Variants in ITCH observed in about 807,000 individuals in gnomAD.
ITCH encodes the protein itchy E3 ubiquitin protein ligase.
Under a neutral mutation model 126.8 loss-of-function variants are expected in ITCH, and 28 were observed. The ratio of observed to expected loss-of-function variants is 0.22; its 90% CI spans 0.16 to 0.30. The LOEUF is 0.30. Among genes scored for constraint, ITCH ranks in the 10% least tolerant of loss-of-function variants. ITCH has a pLI of 1.00. For synonymous variants in ITCH, 342 were observed against 340.0 expected, an observed-to-expected ratio of 1.01 and a Z score of -0.06; for missense variants, 631 against 1,032.4, an observed-to-expected ratio of 0.61 and a Z score of 5.33.
intron 3 of ITCH, among the ~76,000 whole-genome samples, chr20:34,403,492 A>G (rs2038954519): frequency 6.6e-6 from 1 of 152,140 alleles, no homozygotes; most frequent in African/African-American, 2.4e-5. Context: ...AAGCAGGGAA[A>G]CTTTTGTTTT....
intron 16 of ITCH, among the ~76,000 whole-genome samples, chr20:34,474,791 G>T (rs1306240977): frequency 2.8e-4 from 42 of 151,674 alleles, no homozygotes; most frequent in African/African-American, 9.2e-4. Flanking sequence ...CCGGGCGGGG[G>T]GGCTGACCCC....
Position 34,507,823 on chromosome 20 carries a change from A to G in ITCH, c.*29A>G, listed in dbSNP as rs1258418009. On this transcript the variant is annotated 3_prime_UTR_variant, in exon 25 of 25. Coordinates refer to ENST00000374864, the MANE Select transcript of ITCH (RefSeq NM_031483.7). ...CTGAGAACTTGCACCATGAATGGGC[A>G]AGAACTTATTTGCAATGTTTGTCCT... is the stretch of plus-strand genomic sequence containing the variant. The G allele has an allele frequency of 1.3e-6, 2 of 1,523,246 alleles. No homozygotes were observed. The highest frequency in any genetic ancestry group is 2.3e-5 in the East Asian group (1 of 44,400). The allele number at this position is 1,523,246 out of a possible 1,614,324, so 94.4% of individuals were successfully genotyped here.
intron 7 of ITCH, among the ~76,000 whole-genome samples, chr20:34,430,597 C>T (rs540580776): frequency 1.0e-3 from 159 of 152,214 alleles, no homozygotes; most frequent in African/African-American, 3.6e-3. Flanking sequence ...CCTCAGCCTC[C>T]GAGTAGCTGG....
chr20:34,413,738 C>T lies in ITCH; in HGVS notation c.338-4C>T, dbSNP rs765214302. The stretch of plus-strand genomic sequence containing the variant: ...ATTTTTTCTGTAACTTTATTTTCTT[C>T]CAGTTGAAGAAGTAGTTGTGACTTT... On this transcript the variant is annotated splice_polypyrimidine_tract_variant and splice_region_variant and intron_variant, in intron 5 of 24. Coordinates refer to ENST00000374864, the MANE Select transcript of ITCH (RefSeq NM_031483.7). 6.3e-7 allele frequency: 1 copy of T among 1,593,076 alleles called. No individual in the cohort carries two copies. Among genetic ancestry groups the T allele is most frequent in the Non-Finnish European group, 8.6e-7 (1 of 1,167,686 alleles).
At chr20:34,384,430 G>A (rs540512598) in intron 2 of ITCH, among the ~76,000 whole-genome samples, 3 of 151,322 alleles carry the variant, frequency 2.0e-5, no homozygotes, top group South Asian at 4.2e-4. Flanking sequence ...ACAGGCATGC[G>A]CCACCATGTC....
intron 3 of ITCH, chr20:34,402,413 G>T: frequency 1.3e-6 from 1 of 774,940 alleles, no homozygotes; most frequent in Non-Finnish European, 2.4e-6. Context: ...TTTGGACAGT[G>T]GCACCCACTT....
chr20:34,439,427 CA>C (rs1983449366), intron 8 of ITCH, among the ~76,000 whole-genome samples: 1 of 152,142 alleles, frequency 6.6e-6, no homozygotes, highest in Non-Finnish European at 1.5e-5. Context: ...CATGAGCCAC[CA>C]ATGCCTGGCT....
chr20:34,490,582 G>T (rs913153277), intron 22 of ITCH, among the ~76,000 whole-genome samples: 1 of 152,184 alleles, frequency 6.6e-6, no homozygotes, highest in Non-Finnish European at 1.5e-5. Context: ...GGCAGAGGTT[G>T]CAGTAAGCCA....
At position 34,479,780 on chromosome 20, in the gene ITCH, T is replaced by A. The variant is rs746251467; in HGVS notation, c.1809T>A (p.Phe603Leu). ...HLKYFRFIGR[F>L]IAMALFHGKF... ...AATATTTTCGTTTTATTGGCAGATT[T>A]ATTGCCATGGTAAGTGCAGGTCAAG... The change falls in exon 18 of 25, where the codon TTT (phenylalanine) becomes TTA (leucine). Residue 603 changes from phenylalanine to leucine, a missense_variant. Coordinates refer to ENST00000374864, the MANE Select transcript of ITCH (RefSeq NM_031483.7). 4.3e-6 allele frequency: 7 copies of A among 1,613,542 alleles called. No individual in the cohort carries two copies. The Admixed American group carries it at 1.0e-4, about 23-fold the overall frequency.
At chr20:34,403,845 T>A (rs535276799) in intron 3 of ITCH, among the ~76,000 whole-genome samples, 1 of 152,144 alleles carries the variant, frequency 6.6e-6, no homozygotes, top group African/African-American at 2.4e-5. Flanking sequence ...GCAGCATGTT[T>A]AGAGGAATGA....
intron 1 of ITCH, among the ~76,000 whole-genome samples, chr20:34,365,622 G>A (rs897631984): frequency 1.3e-5 from 2 of 152,098 alleles, no homozygotes; most frequent in African/African-American, 4.8e-5. Context: ...TCACCATATT[G>A]GCTAGGCTGC....
chr20:34,503,016 A>T (rs1193366407), intron 23 of ITCH, among the ~76,000 whole-genome samples: 4 of 152,150 alleles, frequency 2.6e-5, no homozygotes, highest in Non-Finnish European at 5.9e-5. Context: ...TGTCTCAAAA[A>T]ATATATATAT....
At position 34,492,487 on chromosome 20, in the gene ITCH, TA is replaced by T; in HGVS notation, c.2320-13del. ...CATATGACATATATATCTCTTTAAA[TA>T]TACTTTTAACAGTTTGTTAAAGAAA... On this transcript the variant is annotated splice_polypyrimidine_tract_variant and intron_variant, in intron 22 of 24. Coordinates refer to ENST00000374864, the MANE Select transcript of ITCH (RefSeq NM_031483.7). 3 of 1,403,830 alleles carry T rather than the reference TA, an allele frequency of 2.1e-6. No individual in the cohort carries two copies. Among genetic ancestry groups the T allele is most frequent in the Non-Finnish European group, 3.0e-6 (3 of 988,210 alleles). 87.0% of individuals were successfully genotyped at this position (1,403,830 alleles called of 1,614,324 possible).
chr20:34,497,391 T>C (rs887976138), intron 23 of ITCH, among the ~76,000 whole-genome samples: 1 of 152,358 alleles, frequency 6.6e-6, no homozygotes, highest in South Asian at 2.1e-4. Flanking sequence ...TCTATGTGTC[T>C]GCTATTATGC....
At chr20:34,419,582 A>G (rs2146202929) in intron 6 of ITCH, among the ~76,000 whole-genome samples, 1 of 151,932 alleles carries the variant, frequency 6.6e-6, no homozygotes, top group African/African-American at 2.4e-5. Context: ...GGGTTCAGGC[A>G]ATTCTCCTGC....
At chr20:34,462,965 C>G (rs1986680563) in intron 14 of ITCH, among the ~76,000 whole-genome samples, 1 of 152,146 alleles carries the variant, frequency 6.6e-6, no homozygotes, top group African/African-American at 2.4e-5. Flanking sequence ...GAATAATATT[C>G]CAGTGTATGT....
At chr20:34,462,788 C>T (rs1026531846) in intron 14 of ITCH, among the ~76,000 whole-genome samples, 4 of 152,172 alleles carry the variant, frequency 2.6e-5, no homozygotes, top group African/African-American at 4.8e-5. Context: ...ACCTGGTAAC[C>T]AGCCTTCTAC....
intron 20 of ITCH, among the ~76,000 whole-genome samples, chr20:34,485,925 A>G (rs1989074114): frequency 6.6e-6 from 1 of 152,118 alleles, no homozygotes; most frequent in Non-Finnish European, 1.5e-5. Context: ...TCCTTGCCTT[A>G]AGCTATCCTC....
At chr20:34,444,229 A>G (rs2146301378) in intron 10 of ITCH, among the ~76,000 whole-genome samples, 1 of 152,342 alleles carries the variant, frequency 6.6e-6, no homozygotes, top group East Asian at 1.9e-4. Flanking sequence ...CAATTCTTTC[A>G]AATGTTTTAT....
Sources: gnomAD v4.1 joint callset for allele counts (sites outside exome capture counted in the v4.1 genomes callset) on GRCh38, gnomAD v4.1.1 for gene constraint, MANE v1.5 for transcripts, NCBI Gene and HGNC (gene_info 2026-07-23, HGNC 2026-07-21) for gene names.